MACROD2: variants seen among roughly 807,000 people sequenced by gnomAD.
MACROD2 encodes the protein ADP-ribose glycohydrolase MACROD2.
In MACROD2, 36 loss-of-function variants were observed where a neutral mutation model predicts 70.4. The ratio of observed to expected loss-of-function variants is 0.51; its 90% confidence interval spans 0.39 to 0.68. The LOEUF (loss-of-function observed/expected upper bound fraction) is 0.68, where lower values mean the gene tolerates loss of function less well. Ranked by LOEUF, MACROD2 falls within the 30% of genes least tolerant of loss-of-function variation. MACROD2 has a pLI of 0.00. For synonymous variants in MACROD2, 172 were observed against 178.8 expected, an observed-to-expected ratio of 0.96 and a Z score of 0.30; for missense variants, 496 against 538.4, an observed-to-expected ratio of 0.92 and a Z score of 0.78.
At chr20:15,878,798 T>C (rs1412536238) in intron 9 of MACROD2, among the ~76,000 whole-genome samples, 1 of 152,136 alleles carries the variant, frequency 6.6e-6, no homozygotes, top group Non-Finnish European at 1.5e-5. Context: ...GAGCTCAAAG[T>C]AGGTTAGACA....
intron 5 of MACROD2, among the ~76,000 whole-genome samples, chr20:14,990,818 T>C (rs1256350163): frequency 1.3e-5 from 2 of 152,172 alleles, no homozygotes. Flanking sequence ...GGCTGAGAAC[T>C]ATGTTTCTTA....
chr20:14,064,439 GA>G (rs757026974), intron 2 of MACROD2, among the ~76,000 whole-genome samples: 1 of 151,908 alleles, frequency 6.6e-6, no homozygotes, highest in Non-Finnish European at 1.5e-5. Flanking sequence ...ACATATCCAG[GA>G]CTGACTTAAT....
chr20:14,800,857 G>T (rs1344734252), intron 5 of MACROD2, among the ~76,000 whole-genome samples: 1 of 150,850 alleles, frequency 6.6e-6, no homozygotes, highest in African/African-American at 2.4e-5. Flanking sequence ...AACACAGGTT[G>T]TGCTGGTTTG....
intron 8 of MACROD2, among the ~76,000 whole-genome samples, chr20:15,662,076 C>G (rs186671328): frequency 6.6e-6 from 1 of 152,296 alleles, no homozygotes; most frequent in Non-Finnish European, 1.5e-5. Context: ...TTGGATGTCT[C>G]CCTGAAACCA....
At chr20:14,289,372 G>A (rs984451107) in intron 3 of MACROD2, among the ~76,000 whole-genome samples, 2 of 152,212 alleles carry the variant, frequency 1.3e-5, no homozygotes, top group African/African-American at 4.8e-5. Context: ...GCTCACTGTA[G>A]TAAATTGAAC....
chr20:14,052,556 ATTAAGT>A (rs749863677), intron 2 of MACROD2, among the ~76,000 whole-genome samples: 370 of 152,190 alleles, frequency 2.4e-3, no homozygotes, highest in Non-Finnish European at 3.6e-3. Flanking sequence ...GTGCGTTTTA[ATTAAGT>A]AGTTAATTAA....
chr20:15,421,156 T>C (rs1352675360), intron 6 of MACROD2, among the ~76,000 whole-genome samples: 1 of 152,062 alleles, frequency 6.6e-6, no homozygotes, highest in Non-Finnish European at 1.5e-5. Flanking sequence ...GACAGGCGGA[T>C]TGCTTGAATC....
chr20:14,674,843 C>T lies in MACROD2; in HGVS notation c.302-10000C>T, dbSNP rs75516298. ...TATCCTCTTGGGCTTCTGAGAGATA[C>T]ATATTCAATGAGCGAAGCCTCTTAC... On this transcript the variant is annotated intron_variant, in intron 4 of 17. Coordinates refer to ENST00000684519, the MANE Select transcript of MACROD2 (RefSeq NM_001351661.2). Among the ~76,000 whole-genome samples, 809 of 152,296 alleles carry T rather than the reference C, an allele frequency of 5.3e-3. 16 individuals are homozygous for T. The highest frequency in any genetic ancestry group is 0.018 in the African/African-American group (767 of 41,564).
intron 8 of MACROD2, among the ~76,000 whole-genome samples, chr20:15,548,485 C>A (rs2048053842): frequency 6.6e-6 from 1 of 152,004 alleles, no homozygotes; most frequent in Non-Finnish European, 1.5e-5. Context: ...AACCTCCACC[C>A]CAAGGGTTCA....
chr20:15,643,727 ATCT>A (rs1424414749), intron 8 of MACROD2, among the ~76,000 whole-genome samples: 3 of 152,198 alleles, frequency 2.0e-5, no homozygotes, highest in Non-Finnish European at 4.4e-5. Flanking sequence ...CACTACAAAA[ATCT>A]TATTGGGGAG....
chr20:14,758,654 G>A (rs1454149206), intron 5 of MACROD2, among the ~76,000 whole-genome samples: 1 of 152,080 alleles, frequency 6.6e-6, no homozygotes, highest in Non-Finnish European at 1.5e-5. Flanking sequence ...TTTTTATCCA[G>A]CTAGGCTTTA....
chr20:14,804,059 GC>G (rs1411301786), intron 5 of MACROD2, among the ~76,000 whole-genome samples: 1 of 151,948 alleles, frequency 6.6e-6, no homozygotes, highest in African/African-American at 2.4e-5. Context: ...CTTCATAGCA[GC>G]AAGATAATTA....
At chr20:15,533,271 T>A (rs1002086653) in intron 8 of MACROD2, among the ~76,000 whole-genome samples, 11 of 152,160 alleles carry the variant, frequency 7.2e-5, no homozygotes, top group African/African-American at 2.7e-4. Flanking sequence ...GGAAGAACAA[T>A]TTTGGTGGTC....
chr20:14,491,662 C>T (rs1266310114), intron 3 of MACROD2, among the ~76,000 whole-genome samples: 1 of 152,184 alleles, frequency 6.6e-6, no homozygotes, highest in Non-Finnish European at 1.5e-5. Flanking sequence ...TTGGGCTGTG[C>T]TCTCAAAACA....
chr20:15,235,796 T>A (rs187484674), intron 6 of MACROD2, among the ~76,000 whole-genome samples: 1 of 152,174 alleles, frequency 6.6e-6, no homozygotes, highest in Non-Finnish European at 1.5e-5. Flanking sequence ...ACCCTTTCAT[T>A]TGGTACCTCT....
chr20:15,216,236 G>A (rs2076808934), intron 5 of MACROD2, among the ~76,000 whole-genome samples: 1 of 152,050 alleles, frequency 6.6e-6, no homozygotes, highest in Non-Finnish European at 1.5e-5. Context: ...AATGCTTGAG[G>A]GGATGGATAC....
At chr20:16,030,455 T>A (rs1019364093) in intron 15 of MACROD2, among the ~76,000 whole-genome samples, 12 of 151,972 alleles carry the variant, frequency 7.9e-5, no homozygotes, top group African/African-American at 2.7e-4. Flanking sequence ...CACTGAAACC[T>A]TGACTGAGAA....
intron 9 of MACROD2, among the ~76,000 whole-genome samples, chr20:15,866,290 G>A (rs2064492617): frequency 1.3e-5 from 2 of 152,096 alleles, no homozygotes; most frequent in Non-Finnish European, 1.5e-5. Context: ...CAGCTACTCA[G>A]GAGGCTGAAG....
intron 5 of MACROD2, chr20:14,884,184 C>A (rs1349160564): frequency 6.6e-6 from 1 of 152,180 alleles, no homozygotes; most frequent in Non-Finnish European, 1.5e-5. Flanking sequence ...GACAATTTCT[C>A]TTCTTGTTGA....
Sources: allele counts gnomAD v4.1 joint callset (sites outside exome capture counted in the v4.1 genomes callset), GRCh38; gene constraint gnomAD v4.1.1; transcripts MANE v1.5; gene names NCBI Gene and HGNC (gene_info 2026-07-23, HGNC 2026-07-21).